NARS1: variants seen among roughly 807,000 people sequenced by gnomAD.
NARS1 encodes asparagine--tRNA ligase, cytoplasmic.
A neutral mutation model predicts 79.2 loss-of-function variants in NARS1; 65 were observed. The observed-to-expected ratio is 0.82, with a 90% CI of 0.67 to 1.01. The LOEUF is 1.01. Ranked by LOEUF, NARS1 falls within the 50% of genes least tolerant of loss-of-function variation. The probability of loss-of-function intolerance (pLI) is 0.00; values close to 1 mark genes in which losing one functional copy is unlikely to be tolerated. For missense variants in NARS1, 649 were observed against 673.8 expected, an observed-to-expected ratio of 0.96 and a Z score of 0.41; for synonymous variants, 229 against 238.8, an observed-to-expected ratio of 0.96 and a Z score of 0.38.
At position 57,621,790 on chromosome 18, in the gene NARS1, A is replaced by T; in HGVS notation, c.-73T>A. On this transcript the variant is annotated 5_prime_UTR_variant, in exon 1 of 14. Transcript: ENST00000256854. ...ACGCCGTCTTATGACTCCAACGTGCACCGGCGGTTTCCGCGATTCCGGCGT... is the reference window on the plus strand; with the variant it reads ...ACGCCGTCTTATGACTCCAACGTGCTCCGGCGGTTTCCGCGATTCCGGCGT... The T allele has an allele frequency of 6.2e-7, 1 of 1,610,256 alleles. No individual in the cohort carries two copies. Among genetic ancestry groups the T allele is most frequent in the South Asian group, 1.1e-5 (1 of 90,654 alleles).
At chr18:57,621,463 A>C (rs1168418813) in intron 1 of NARS1, among the ~76,000 whole-genome samples, 1 of 152,080 alleles carries the variant, frequency 6.6e-6, no homozygotes, top group Non-Finnish European at 1.5e-5. Flanking sequence ...GGGGCAGGGG[A>C]AGGGCCCGGA....
At chr18:57,607,751 G>T in intron 7 of NARS1, 86 bp from the exon 8 acceptor site, 1 of 1,155,736 alleles carries the variant, frequency 8.7e-7, no homozygotes. Context: ...TTATGTCAAA[G>T]TTTTGGTAAG....
chr18:57,609,251 C>T, intron 7 of NARS1, 106 bp downstream of exon 7: 1 of 862,960 alleles, frequency 1.2e-6, no homozygotes, highest in African/African-American at 1.7e-5. Flanking sequence ...AGTTCTGTCC[C>T]TCTGAAGAAC....
chr18:57,615,758 A>G (rs1412334821), intron 3 of NARS1, 28 bp from the exon 4 acceptor site: 1 of 1,610,522 alleles, frequency 6.2e-7, no homozygotes, highest in Non-Finnish European at 8.5e-7. Context: ...GCAGTTTGTT[A>G]ACATGGTTGC....
At chr18:57,607,408 C>A in intron 8 of NARS1, 36 bp downstream of exon 8, 1 of 1,610,718 alleles carries the variant, frequency 6.2e-7, no homozygotes, top group Non-Finnish European at 8.5e-7. Flanking sequence ...CGGCAAAAAA[C>A]ATATTCTTTG....
At position 57,607,676 on chromosome 18, in the gene NARS1, T is replaced by C. The variant is rs1416662843; in HGVS notation, c.580-11A>G. Reference sequence around the variant, plus strand: ...ATGGCCACCTGGAGCCTGCATTTTTTAAAAGTGGGGTCCAGAGAAAGAGGG... The same window carrying C: ...ATGGCCACCTGGAGCCTGCATTTTTCAAAAGTGGGGTCCAGAGAAAGAGGG... On this transcript the variant is annotated splice_polypyrimidine_tract_variant and intron_variant, in intron 7 of 13. Coordinates refer to ENST00000256854, the MANE Select transcript of NARS1 (RefSeq NM_004539.4). The C allele has an allele frequency of 2.5e-6, 4 of 1,597,958 alleles. No individual in the cohort carries two copies. Among genetic ancestry groups the C allele is most frequent in the Non-Finnish European group, 3.4e-6 (4 of 1,169,100 alleles).
At chr18:57,611,570 T>C (rs1170283201) in intron 6 of NARS1, 67 bp downstream of exon 6, 2 of 1,065,440 alleles carry the variant, frequency 1.9e-6, no homozygotes, top group East Asian at 2.7e-5. Context: ...AATAAATGTA[T>C]ACAAAACAAT....
At chr18:57,603,100 T>C (rs2051524104) in intron 11 of NARS1, among the ~76,000 whole-genome samples, 157 bp from the exon 12 acceptor site, 1 of 152,182 alleles carries the variant, frequency 6.6e-6, no homozygotes, top group Admixed American at 6.5e-5. Flanking sequence ...AAAGAATAAT[T>C]TCTTTCAAAA....
intron 2 of NARS1, among the ~76,000 whole-genome samples, chr18:57,620,234 T>C (rs943060011): frequency 4.6e-5 from 7 of 152,168 alleles, no homozygotes; most frequent in Admixed American, 2.0e-4. Flanking sequence ...AGGAGCCCCC[T>C]GGTCATGAGC....
At chr18:57,601,989 G>GA (rs1304798568) in intron 13 of NARS1, among the ~76,000 whole-genome samples, 3 of 152,032 alleles carry the variant, frequency 2.0e-5, no homozygotes, top group East Asian at 1.9e-4. Context: ...AATTTGGTAT[G>GA]AAAAAATCAA....
intron 11 of NARS1, among the ~76,000 whole-genome samples, chr18:57,604,324 G>A (rs563561262): frequency 6.6e-6 from 1 of 152,074 alleles, no homozygotes; most frequent in South Asian, 2.1e-4. Flanking sequence ...AGGCCGAGGT[G>A]AGAGGACTGC....
intron 6 of NARS1, among the ~76,000 whole-genome samples, chr18:57,611,181 G>T (rs2051602145): frequency 6.6e-6 from 1 of 151,936 alleles, no homozygotes; most frequent in Admixed American, 6.6e-5. Context: ...TGCCAGGCTG[G>T]TCTCAAACTC....
intron 2 of NARS1, among the ~76,000 whole-genome samples, chr18:57,616,976 A>AG (rs1908061988): frequency 6.8e-5 from 9 of 132,292 alleles, no homozygotes; most frequent in South Asian, 2.3e-4. Flanking sequence ...AAAAAAAAAA[A>AG]GAGCACAAAA....
At chr18:57,605,800 A>C (rs1599032423) in intron 11 of NARS1, 57 bp downstream of exon 11, 1 of 1,153,566 alleles carries the variant, frequency 8.7e-7, no homozygotes, top group East Asian at 2.6e-5. Context: ...ATTAACCAGA[A>C]GAAGAGAATT....
Position 57,601,801 on chromosome 18 carries a change from G to GA in NARS1, c.1516-19dup. ...TATTTTCTCTGTTTAAAAAAAGAAAGAAAGAAAGAGGAGTAAATACTTAAG... is the reference window on the plus strand; with the variant it reads ...TATTTTCTCTGTTTAAAAAAAGAAAGAAAAGAAAGAGGAGTAAATACTTAAG... On this transcript the variant is annotated intron_variant, in intron 13 of 13. Transcript: ENST00000256854. The GA allele has an allele frequency of 6.2e-7, 1 of 1,610,972 alleles. No homozygotes were observed. Among genetic ancestry groups the GA allele is most frequent in the Non-Finnish European group, 8.5e-7 (1 of 1,177,710 alleles).
At chr18:57,620,788 T>C in intron 1 of NARS1, 137 bp from the exon 2 acceptor site, 1 of 494,602 alleles carries the variant, frequency 2.0e-6, no homozygotes, top group Non-Finnish European at 3.6e-6. Context: ...ATTAATATCC[T>C]AGTTATTTCC....
chr18:57,617,470 G>A (rs1908096489), intron 2 of NARS1, among the ~76,000 whole-genome samples: 1 of 151,564 alleles, frequency 6.6e-6, no homozygotes, highest in South Asian at 2.1e-4. Context: ...TACTCAGGAG[G>A]CTGAGGCAGG....
chr18:57,607,697 G>A, intron 7 of NARS1, 32 bp from the exon 8 acceptor site: 1 of 1,523,508 alleles, frequency 6.6e-7, no homozygotes, highest in Non-Finnish European at 8.9e-7. Flanking sequence ...TCCAGAGAAA[G>A]AGGGAAAAGG....
rs372405646 is a variant in NARS1 at position 57,607,325 on chromosome 18, A to T, written c.810T>A (p.Pro270=). ...FFDRGYYEVT[P]PTLVQTQVEG... is the part of the protein sequence containing the mutation. ...CTACTTGTGTTTGCACTAATGTTGG[A>T]GGAGTAACCTGTTCAAATGCAAAGA... is the stretch of plus-strand genomic sequence containing the variant. Residue 270 remains proline, a synonymous_variant, in exon 9 of 14, where the codon CCT becomes CCA. Transcript: ENST00000256854. 2.5e-6 allele frequency: 4 copies of T among 1,613,944 alleles called. No homozygotes were observed. The highest frequency in any genetic ancestry group is 2.5e-6 in the Non-Finnish European group (3 of 1,179,932).
Sources: gnomAD v4.1 joint callset for allele counts (sites outside exome capture counted in the v4.1 genomes callset) on GRCh38, gnomAD v4.1.1 for gene constraint, MANE v1.5 for transcripts, NCBI Gene and HGNC (gene_info 2026-07-23, HGNC 2026-07-21) for gene names.